ZNF404: variants seen among roughly 807,000 people sequenced by gnomAD.
The protein encoded by ZNF404 is zinc finger protein 404.
Under a neutral mutation model 7.3 loss-of-function variants are expected in ZNF404, and 7 were observed. That is an observed-to-expected ratio of 0.95 (90% CI 0.54 to 1.79). The LOEUF is 1.79. Among genes scored for constraint, ZNF404 ranks in the 40% most tolerant of loss-of-function variants. The probability of loss-of-function intolerance (pLI) is 0.00; values close to 1 mark genes in which losing one functional copy is unlikely to be tolerated. For missense variants in ZNF404, 560 were observed against 661.5 expected (o/e 0.85, Z 1.68); for synonymous variants, 191 against 209.9 (o/e 0.91, Z 0.78).
chr19:43,879,267 C>G (rs997793224), intron 2 of ZNF404, among the ~76,000 whole-genome samples: 8 of 152,126 alleles, frequency 5.3e-5, no homozygotes, highest in African/African-American at 1.7e-4. Flanking sequence ...AAAAACCCCT[C>G]TTTAGAAAAC....
chr19:43,873,744 A>G lies in ZNF404; in HGVS notation c.470T>C (p.Ile157Thr), dbSNP rs1297955251. ...TEHLRDHTGVIPYECNECGKA... is the reference protein window; with the variant it reads ...TEHLRDHTGVTPYECNECGKA... ...TCCACATTCATTACATTCATAGGGT[A>G]TCACACCAGTATGGTCTCTCAGATG... is the stretch of plus-strand genomic sequence containing the variant. Residue 157 changes from isoleucine (I) to threonine (T), a missense_variant, in exon 3 of 3, where the codon ATA (isoleucine) becomes ACA (threonine). By Grantham distance (89) the Ile-to-Thr change is moderately conservative. Coordinates refer to ENST00000587539, the MANE Select transcript of ZNF404 (RefSeq NM_001033719.3). 1.1e-5 allele frequency: 18 copies of G among 1,603,870 alleles called. No individual in the cohort carries two copies. The highest frequency in any genetic ancestry group is 1.5e-5 in the Non-Finnish European group (18 of 1,179,610).
rs1272060630 is a variant in ZNF404, at chr19:43,872,893, A to G, written c.1321T>C (p.Cys441Arg). 6.2e-7 allele frequency: 1 copy of G among 1,607,908 alleles called. No homozygotes were observed. The highest frequency in any genetic ancestry group is 8.5e-7 in the Non-Finnish European group (1 of 1,176,606). The change falls in exon 3 of 3, where the codon TGT becomes CGT. Residue 441 changes from cysteine (C) to arginine (R), a missense_variant. Cys to Arg is a radical substitution (Grantham distance 180, BLOSUM62 -3). Coordinates refer to ENST00000587539, the MANE Select transcript of ZNF404 (RefSeq NM_001033719.3). The surrounding 1 kb of genome is among the most constrained non-coding windows in gnomAD (Gnocchi z 4.4). ...SIHAGEKPYE[C>R]KECGKTFRLN... ...CTAAAGGTTTTTCCACATTCCTTAC[A>G]TTCATAGGGTTTCTCCCCAGCATGA...
intron 1 of ZNF404, among the ~76,000 whole-genome samples, chr19:43,883,364 C>T (rs1971912555): frequency 6.6e-6 from 1 of 152,050 alleles, no homozygotes; most frequent in Non-Finnish European, 1.5e-5. Context: ...CCAGAACAAC[C>T]TTGATTCCCT....
rs1341381730 is a variant in ZNF404 at position 43,872,542 on chromosome 19, G to C, written c.*13C>G. 3.8e-6 allele frequency: 6 copies of C among 1,566,584 alleles called. No individual in the cohort carries two copies. In the South Asian group the frequency reaches 6.0e-5, roughly 16 times the overall value. Reference sequence around the variant, plus strand: ...CAGTAAAAATGTGCCATGGCTAAAGGCTTTCCCTCTCATTACATTAAGAGT... The same window carrying C: ...CAGTAAAAATGTGCCATGGCTAAAGCCTTTCCCTCTCATTACATTAAGAGT... On this transcript the variant is annotated 3_prime_UTR_variant, in exon 3 of 3. Coordinates refer to ENST00000587539, the MANE Select transcript of ZNF404 (RefSeq NM_001033719.3). The surrounding 1 kb of genome is among the most constrained non-coding windows in gnomAD (Gnocchi z 4.4).
At chr19:43,879,723 A>G (rs1971880328) in intron 2 of ZNF404, among the ~76,000 whole-genome samples, 1 of 152,238 alleles carries the variant, frequency 6.6e-6, no homozygotes. Context: ...GTGTCTTTGC[A>G]GAAAAATACC....
rs768836759 is a variant in ZNF404, at chr19:43,880,040, A to G, written c.106T>C (p.Leu36=). The G allele has an allele frequency of 7.4e-6, 12 of 1,613,854 alleles. No individual in the cohort carries two copies. The Admixed American group carries it at 1.8e-4, about 25-fold the overall frequency. Residue 36 remains leucine, a synonymous_variant, in exon 2 of 3, where the codon TTG becomes CTG. Coordinates refer to ENST00000587539, the MANE Select transcript of ZNF404 (RefSeq NM_001033719.3). ...DQRDLYRDVM[L]ENYTNLVSLD... ...GAGACCAAGTTAGTATAATTCTCCA[A>G]CATCACATCTCTGTACAAATCCCTC...
rs1183558796 is a variant in ZNF404 at position 43,872,401 on chromosome 19, A to T, written c.*154T>A. 4 of 541,536 alleles carry T rather than the reference A, an allele frequency of 7.4e-6. No homozygotes were observed. The highest frequency in any genetic ancestry group is 1.9e-5 in the African/African-American group (1 of 51,488). The allele number at this position is 541,536 out of a possible 1,614,324, so 33.5% of individuals were successfully genotyped here. A position where few individuals can be genotyped will look rare whatever the true frequency, so the allele number is the denominator to read the frequency against. On this transcript the variant is annotated 3_prime_UTR_variant, in exon 3 of 3. Coordinates refer to ENST00000587539, the MANE Select transcript of ZNF404 (RefSeq NM_001033719.3). The surrounding 1 kb of genome is among the most constrained non-coding windows in gnomAD (Gnocchi z 4.4). ...AGATTTATTTTTAGTAATTCTAACAATTATCATAAAAATAATGTATTTAGT... is the reference window on the plus strand; with the variant it reads ...AGATTTATTTTTAGTAATTCTAACATTTATCATAAAAATAATGTATTTAGT...
chr19:43,880,951 G>C (rs1434486633), intron 1 of ZNF404, among the ~76,000 whole-genome samples: 2 of 152,112 alleles, frequency 1.3e-5, no homozygotes, highest in Non-Finnish European at 2.9e-5. Context: ...AATCAATCAA[G>C]GTAATGCACC....
rs542010061 is a variant in ZNF404, at chr19:43,878,404, C to G, written c.136+1606G>C. Among the ~76,000 whole-genome samples, 6 of 151,816 alleles carry G rather than the reference C, an allele frequency of 4.0e-5. No individual in the cohort carries two copies. In the East Asian group the frequency reaches 1.2e-3, roughly 29 times the overall value. On this transcript the variant is annotated intron_variant, in intron 2 of 2. Transcript: ENST00000587539. ...TCTTTTGAGAAGTGTCTGTTCATGTCCTTCGCCCACTTTTTGATGGGGTTG... is the reference window on the plus strand; with the variant it reads ...TCTTTTGAGAAGTGTCTGTTCATGTGCTTCGCCCACTTTTTGATGGGGTTG...
chr19:43,878,520 C>A (rs1274324291), intron 2 of ZNF404, among the ~76,000 whole-genome samples: 5 of 151,884 alleles, frequency 3.3e-5, no homozygotes, highest in Admixed American at 3.3e-4. Context: ...AATTTTCTCC[C>A]ATTTTGTAGG....
intron 2 of ZNF404, among the ~76,000 whole-genome samples, chr19:43,879,333 A>C (rs1971876688): frequency 1.3e-5 from 2 of 152,184 alleles, no homozygotes; most frequent in Admixed American, 1.3e-4. Flanking sequence ...CCATCATATG[A>C]AAAATAGAGG....
At chr19:43,876,869 C>T (rs76831663) in intron 2 of ZNF404, among the ~76,000 whole-genome samples, 16 of 152,038 alleles carry the variant, frequency 1.1e-4, no homozygotes, top group Non-Finnish European at 1.8e-4. Context: ...CCAAATTGTC[C>T]GGCACTTTTC....
intron 2 of ZNF404, among the ~76,000 whole-genome samples, chr19:43,876,086 G>C (rs949023403): frequency 2.6e-5 from 4 of 152,178 alleles, no homozygotes; most frequent in Admixed American, 2.6e-4. Flanking sequence ...CACTTTGGGA[G>C]GCCGAAGCAG....
intron 2 of ZNF404, among the ~76,000 whole-genome samples, chr19:43,877,742 C>T (rs1305030617): frequency 3.5e-5 from 4 of 113,866 alleles, no homozygotes; most frequent in African/African-American, 1.3e-4. Flanking sequence ...CCTCCCCCCA[C>T]CCCACAACAG....
intron 2 of ZNF404, among the ~76,000 whole-genome samples, chr19:43,875,107 G>A (rs1209517987): frequency 6.6e-6 from 1 of 151,998 alleles, no homozygotes; most frequent in South Asian, 2.1e-4. Flanking sequence ...TTCCAAAATA[G>A]CTCAGTCAAG....
rs780981430 is a variant in ZNF404, at chr19:43,873,441, A to C, written c.773T>G (p.Met258Arg). ...ATGATGAATTTTCTGATGCAGACAC[A>C]TATGTCGATATAATCTAAACGTTTC... ...CGETFRLYRHMCLHQKIHHGV... is the reference protein window; with the variant it reads ...CGETFRLYRHRCLHQKIHHGV... The change falls in exon 3 of 3, where the codon ATG (methionine) becomes AGG (arginine). Residue 258 changes from methionine (M) to arginine (R), a missense_variant. Physicochemically the swap from Met to Arg is moderately conservative, Grantham distance 91 (BLOSUM62 -1). Coordinates refer to ENST00000587539, the MANE Select transcript of ZNF404 (RefSeq NM_001033719.3). 1 of 1,613,604 alleles carries C rather than the reference A, an allele frequency of 6.2e-7. No individual in the cohort carries two copies. The highest frequency in any genetic ancestry group is 1.7e-5 in the Admixed American group (1 of 59,902).
chr19:43,875,511 G>A (rs1971845457), intron 2 of ZNF404, among the ~76,000 whole-genome samples: 1 of 152,062 alleles, frequency 6.6e-6, no homozygotes. Flanking sequence ...GCTTATCAAA[G>A]TCAAAGCAAA....
Position 43,873,918 on chromosome 19 carries a change from T to TCA in ZNF404, c.295_296insTG (p.Gln99LeufsTer13). 1 of 1,613,308 alleles carries TCA rather than the reference T, an allele frequency of 6.2e-7. No individual in the cohort carries two copies. The highest frequency in any genetic ancestry group is 8.5e-7 in the Non-Finnish European group (1 of 1,179,526). ...AAAACATCCCACTTTAGGTCTCTGT[T>TCA]GTCTCCCAAATTCAATTGTGTACTG... On this transcript the variant is annotated frameshift_variant, in exon 3 of 3. Coordinates refer to ENST00000587539, the MANE Select transcript of ZNF404 (RefSeq NM_001033719.3). LOFTEE classifies it low-confidence loss of function (END_TRUNC).
chr19:43,875,057 C>A (rs1196642399), intron 2 of ZNF404, among the ~76,000 whole-genome samples: 1 of 152,158 alleles, frequency 6.6e-6, no homozygotes, highest in Non-Finnish European at 1.5e-5. Flanking sequence ...CCTTATTAAT[C>A]TTTTACCTCA....
Sources: gnomAD v4.1 joint callset for allele counts (sites outside exome capture counted in the v4.1 genomes callset) on GRCh38, gnomAD v4.1.1 for gene constraint, Gnocchi (gnomAD v3.1) non-coding constraint, MANE v1.5 for transcripts, NCBI Gene and HGNC (gene_info 2026-07-23, HGNC 2026-07-21) for gene names.